The following COLEC10 variants were observed in gnomAD, a reference collection of about 807,000 sequenced individuals.
The protein encoded by COLEC10 is collectin-10.
COLEC10 carries 22 observed loss-of-function variants against 28.4 expected under a neutral mutation model. The ratio of observed to expected loss-of-function variants is 0.78; its 90% CI spans 0.55 to 1.11. The LOEUF is 1.11. Among genes scored for constraint, COLEC10 ranks in the 50% least tolerant of loss-of-function variants. The pLI, the probability that COLEC10 is intolerant of heterozygous loss-of-function variation, is 0.00. For synonymous variants in COLEC10, 125 were observed against 116.1 expected, an observed-to-expected ratio of 1.08 and a Z score of -0.49; for missense variants, 361 against 344.1, an observed-to-expected ratio of 1.05 and a Z score of -0.39.
intron 1 of COLEC10, among the ~76,000 whole-genome samples, chr8:119,079,936 G>T (rs1815337167): frequency 6.6e-6 from 1 of 152,000 alleles, no homozygotes; most frequent in Non-Finnish European, 1.5e-5. Context: ...TATCCATATT[G>T]ACATTGATAT....
At chr8:119,010,230 G>T (rs1346994143) in intron 2 of COLEC10, among the ~76,000 whole-genome samples, 4 of 150,560 alleles carry the variant, frequency 2.7e-5, no homozygotes. Flanking sequence ...TCAGCGTTTT[G>T]CCCATTCCGG....
At chr8:119,022,722 A>G (rs761362547) in intron 2 of COLEC10, among the ~76,000 whole-genome samples, 1 of 152,012 alleles carries the variant, frequency 6.6e-6, no homozygotes, top group African/African-American at 2.4e-5. Context: ...CATAATACCC[A>G]GTCCCCTCCA....
chr8:119,084,952 T>C (rs904617549), intron 1 of COLEC10, among the ~76,000 whole-genome samples: 8 of 152,230 alleles, frequency 5.3e-5, no homozygotes, highest in African/African-American at 1.9e-4. Context: ...ATCACTTATC[T>C]ACTTCTATTC....
the COLEC10 span, among the ~76,000 whole-genome samples, chr8:118,958,437 T>C: frequency 1.3e-5 from 2 of 152,206 alleles, no homozygotes; most frequent in African/African-American, 4.8e-5. Flanking sequence ...TTAACAGGGT[T>C]TTGCACAGTG....
At chr8:118,985,430 G>T in the COLEC10 span, among the ~76,000 whole-genome samples, 6 of 152,184 alleles carry the variant, frequency 3.9e-5, no homozygotes, top group African/African-American at 1.4e-4. Flanking sequence ...TTGTGCAGGA[G>T]TATGAGAGAA....
intron 1 of COLEC10, among the ~76,000 whole-genome samples, chr8:119,085,418 T>G (rs1322461106): frequency 6.6e-6 from 1 of 152,098 alleles, no homozygotes; most frequent in Admixed American, 6.6e-5. Context: ...GTATGGGGCA[T>G]AATTGATGAC....
the COLEC10 span, among the ~76,000 whole-genome samples, chr8:118,972,923 A>G: frequency 6.6e-6 from 1 of 151,988 alleles, no homozygotes; most frequent in South Asian, 2.1e-4. Context: ...TTTTCTTCAC[A>G]TGACAGCAGC....
Position 119,103,894 on chromosome 8 carries a change from T to A in COLEC10, c.441T>A (p.Asn147Lys). 2 of 1,590,924 alleles carry A rather than the reference T, an allele frequency of 1.3e-6. No individual in the cohort carries two copies. The highest frequency in any genetic ancestry group is 1.7e-6 in the Non-Finnish European group (2 of 1,159,258). ...AGACATCTATGAAGTTTGTCAAGAA[T>A]GGTGAGCATATTCTCTTTTGTGTTA... is the stretch of plus-strand genomic sequence containing the variant. Reference protein sequence around the residue: ...RLKTSMKFVKNVIAGIRETEE... With the variant: ...RLKTSMKFVKKVIAGIRETEE... Residue 147 changes from asparagine (N) to lysine (K), a missense_variant and splice_region_variant, in exon 5 of 6, where the codon AAT becomes AAA. Around this residue, in one of 3 missense-constraint regions of COLEC10, gnomAD observed 335 missense variants for 308.5 expected, o/e 1.09. Transcript: ENST00000332843.
intron 2 of COLEC10, among the ~76,000 whole-genome samples, chr8:119,039,230 C>T (rs1273122811): frequency 6.6e-6 from 1 of 152,102 alleles, no homozygotes; most frequent in Non-Finnish European, 1.5e-5. Context: ...TTCCCAATCC[C>T]ACCCACAAAC....
intron 1 of COLEC10, among the ~76,000 whole-genome samples, chr8:119,078,255 T>A (rs1440260829): frequency 6.6e-6 from 1 of 152,186 alleles, no homozygotes; most frequent in African/African-American, 2.4e-5. Context: ...TCCACATAAT[T>A]TTCATAGTTA....
intron 2 of COLEC10, among the ~76,000 whole-genome samples, chr8:119,030,057 C>T (rs998284710): frequency 3.9e-5 from 6 of 152,160 alleles, no homozygotes; most frequent in African/African-American, 1.4e-4. Flanking sequence ...AAGTCCCCTG[C>T]AGATTATTAG....
At chr8:118,955,526 C>T in the COLEC10 span, among the ~76,000 whole-genome samples, 1 of 152,174 alleles carries the variant, frequency 6.6e-6, no homozygotes, top group African/African-American at 2.4e-5. Flanking sequence ...TTACCATAGC[C>T]CTTTCTTTGA....
intron 2 of COLEC10, among the ~76,000 whole-genome samples, chr8:119,030,226 G>A (rs1174117397): frequency 6.6e-6 from 1 of 151,974 alleles, no homozygotes; most frequent in Non-Finnish European, 1.5e-5. Context: ...ATGTAGATTG[G>A]GGCATTATGT....
chr8:119,034,826 T>A lies in COLEC10; in HGVS notation n.235+25273T>A, dbSNP rs921815111. Among the ~76,000 whole-genome samples, 65 of 152,184 alleles carry A rather than the reference T, an allele frequency of 4.3e-4. 1 individual carries two copies. The highest frequency in any genetic ancestry group is 1.6e-3 in the African/African-American group (65 of 41,448). ...ACTAGCTGTGTGATTCCAGATAATATTCCTGAACCTCCATTTCTCATCTGT... is the reference window on the plus strand; with the variant it reads ...ACTAGCTGTGTGATTCCAGATAATAATCCTGAACCTCCATTTCTCATCTGT... On this transcript the variant is annotated intron_variant and non_coding_transcript_variant, in intron 2 of 6. Coordinates refer to the COLEC10 transcript ENST00000521788.
chr8:119,057,292 G>A (rs763774668), intron 2 of COLEC10, among the ~76,000 whole-genome samples: 6 of 152,044 alleles, frequency 3.9e-5, no homozygotes, highest in Non-Finnish European at 8.8e-5. Flanking sequence ...CTTCCACCAT[G>A]ATTGTAAGTT....
rs74995930 is a variant in COLEC10, at chr8:119,089,516, C to T, written c.149-164C>T. ...TATACTGGAAGTTTCTTCCTTTCAC[C>T]TGATTGTCAAGTGCATGTGAACATA... is the stretch of plus-strand genomic sequence containing the variant. On this transcript the variant is annotated intron_variant, in intron 1 of 5. Coordinates refer to ENST00000332843, the MANE Select transcript of COLEC10 (RefSeq NM_006438.5). Among the ~76,000 whole-genome samples the T allele has an allele frequency of 5.3e-5, 8 of 152,268 alleles. No homozygotes were observed. The East Asian group carries it at 1.4e-3, about 26-fold the overall frequency.
the COLEC10 span, among the ~76,000 whole-genome samples, chr8:118,973,519 G>A: frequency 6.6e-6 from 1 of 151,914 alleles, no homozygotes; most frequent in African/African-American, 2.4e-5. Flanking sequence ...TCTCCACTGT[G>A]GCTTCTTGCT....
chr8:118,994,815 A>ACTACACT (rs1813562857), upstream of COLEC10, among the ~76,000 whole-genome samples: 2 of 152,214 alleles, frequency 1.3e-5, no homozygotes, highest in Non-Finnish European at 2.9e-5. Context: ...TATTTATTTT[A>ACTACACT]ATTATGCACA....
intron 1 of COLEC10, among the ~76,000 whole-genome samples, chr8:119,079,137 G>A (rs1347559191): frequency 6.6e-6 from 1 of 151,782 alleles, no homozygotes. Flanking sequence ...TTCATTTCTA[G>A]TGACTAGAAA....
Sources: allele counts gnomAD v4.1 joint callset (sites outside exome capture counted in the v4.1 genomes callset), GRCh38; gene constraint gnomAD v4.1.1; regional missense constraint gnomAD v4.1.1; transcripts MANE v1.5; gene names NCBI Gene and HGNC (gene_info 2026-07-23, HGNC 2026-07-21).